The following TRIP4 variants were observed in gnomAD, a reference collection of about 807,000 sequenced individuals.
The protein encoded by TRIP4 is activating signal cointegrator 1.
Under a neutral mutation model 81.8 loss-of-function variants are expected in TRIP4, and 54 were observed. The ratio of observed to expected loss-of-function variants is 0.66; its 90% CI spans 0.53 to 0.83. The LOEUF is 0.83. Ranked by LOEUF, TRIP4 falls within the 40% of genes least tolerant of loss-of-function variation. The pLI is 0.00. For missense variants in TRIP4, 662 were observed against 683.6 expected (o/e 0.97, Z 0.35); for synonymous variants, 270 against 242.8 (o/e 1.11, Z -1.04).
At chr15:64,409,584 C>T in intron 6 of TRIP4, 29 bp from the exon 7 acceptor site, 1 of 1,599,872 alleles carries the variant, frequency 6.3e-7, no homozygotes, top group Non-Finnish European at 8.6e-7. Flanking sequence ...AACAGATGAC[C>T]TAATTACCAT....
chr15:64,394,477 C>T (rs966422778), intron 2 of TRIP4, among the ~76,000 whole-genome samples: 2 of 151,804 alleles, frequency 1.3e-5, no homozygotes, highest in African/African-American at 4.8e-5. Context: ...TGGAGGCAGG[C>T]GCCTGTAGTC....
chr15:64,447,844 T>A (rs1188482300), intron 12 of TRIP4, among the ~76,000 whole-genome samples: 1 of 152,206 alleles, frequency 6.6e-6, no homozygotes, highest in African/African-American at 2.4e-5. Flanking sequence ...CCAAAGTAGC[T>A]GGGACTACAG....
chr15:64,413,392 G>A (rs1406103100), intron 7 of TRIP4, among the ~76,000 whole-genome samples: 1 of 151,914 alleles, frequency 6.6e-6, no homozygotes, highest in African/African-American at 2.4e-5. Context: ...GCCCAAGCTG[G>A]TCTCAAACTC....
At chr15:64,426,224 G>C (rs1304647372) in intron 11 of TRIP4, among the ~76,000 whole-genome samples, 1 of 152,164 alleles carries the variant, frequency 6.6e-6, no homozygotes, top group Non-Finnish European at 1.5e-5. Context: ...ACTAGGATCT[G>C]TTATTGCTAA....
At chr15:64,419,857 C>T (rs8026360) in intron 9 of TRIP4, among the ~76,000 whole-genome samples, 17,213 of 150,954 alleles carry the variant, frequency 0.11, 2,139 homozygotes, top group African/African-American at 0.31. Flanking sequence ...GCTCTGTCAC[C>T]CAGGCTAGAG....
intron 9 of TRIP4, among the ~76,000 whole-genome samples, chr15:64,421,003 A>G (rs1003849115): frequency 3.3e-5 from 5 of 151,856 alleles, no homozygotes; most frequent in Admixed American, 6.6e-5. Flanking sequence ...CATGTACAAC[A>G]GTGGTCCCAT....
In TRIP4 at chr15:64,397,610, A is replaced by G. The variant is rs768940168; in HGVS notation, c.410A>G (p.Gln137Arg). 14 of 1,611,774 alleles carry G rather than the reference A, an allele frequency of 8.7e-6. No individual in the cohort carries two copies. The highest frequency in any genetic ancestry group is 1.7e-4 in the Middle Eastern group (1 of 6,028). The change falls in exon 4 of 13, where the codon CAA becomes CGA. Residue 137 changes from glutamine to arginine, a missense_variant. Transcript: ENST00000261884. Reference sequence around the variant, plus strand: ...TTTGATGTCTTTGTACGATAGGCACAAGAGAACAGCAACTCCGTAAAGAAG... The same window carrying G: ...TTTGATGTCTTTGTACGATAGGCACGAGAGAACAGCAACTCCGTAAAGAAG... Reference protein sequence around the residue: ...VKTPFDLAKAQENSNSVKKKT... With the variant: ...VKTPFDLAKARENSNSVKKKT...
chr15:64,429,266 G>A (rs1417077810), intron 11 of TRIP4, among the ~76,000 whole-genome samples: 9 of 151,964 alleles, frequency 5.9e-5, no homozygotes, highest in African/African-American at 1.9e-4. Flanking sequence ...GCAGTGAGCC[G>A]AGATTGTGCC....
chr15:64,417,625 C>T (rs1020538415), intron 8 of TRIP4, among the ~76,000 whole-genome samples: 1 of 152,084 alleles, frequency 6.6e-6, no homozygotes, highest in African/African-American at 2.4e-5. Context: ...ATTACCTGTA[C>T]CTTATAATTC....
At chr15:64,428,152 C>T (rs1373950076) in intron 11 of TRIP4, among the ~76,000 whole-genome samples, 4 of 152,094 alleles carry the variant, frequency 2.6e-5, no homozygotes, top group African/African-American at 4.8e-5. Flanking sequence ...TTTTGGCAAG[C>T]GGCCTTGCTT....
chr15:64,388,072 G>A, intron 1 of TRIP4, 108 bp downstream of exon 1: 1 of 1,420,408 alleles, frequency 7.0e-7, no homozygotes, highest in Non-Finnish European at 9.2e-7. Context: ...TGTGATAAAG[G>A]GGCTGCAGTC....
At chr15:64,428,618 CT>C (rs1043279496) in intron 11 of TRIP4, among the ~76,000 whole-genome samples, 1 of 151,560 alleles carries the variant, frequency 6.6e-6, no homozygotes, top group Non-Finnish European at 1.5e-5. Context: ...TTTCTTTTTT[CT>C]TTTTTTTGAG....
intron 4 of TRIP4, among the ~76,000 whole-genome samples, chr15:64,399,826 C>G (rs1891447403): frequency 6.6e-6 from 1 of 151,532 alleles, no homozygotes; most frequent in Admixed American, 6.6e-5. Context: ...GACAGAGTCT[C>G]AGGCCAGGCA....
intron 9 of TRIP4, among the ~76,000 whole-genome samples, chr15:64,423,386 C>A (rs1424128263): frequency 6.8e-6 from 1 of 146,212 alleles, no homozygotes; most frequent in Non-Finnish European, 1.5e-5. Context: ...TCGCTTGAAC[C>A]CAGGAGGCGG....
At chr15:64,424,836 C>T (rs758766990) in intron 10 of TRIP4, among the ~76,000 whole-genome samples, 6 of 151,982 alleles carry the variant, frequency 3.9e-5, no homozygotes, top group East Asian at 1.9e-4. Flanking sequence ...AGTGCAGTGG[C>T]GCCATTTCTC....
At chr15:64,426,663 GCACTCC>G (rs1386981440) in intron 11 of TRIP4, among the ~76,000 whole-genome samples, 1 of 144,042 alleles carries the variant, frequency 6.9e-6, no homozygotes, top group East Asian at 2.1e-4. Context: ...TCGTGCCACT[GCACTCC>G]AGCCTGGGCG....
chr15:64,444,494 A>G (rs1020357687), intron 11 of TRIP4, among the ~76,000 whole-genome samples: 1 of 152,208 alleles, frequency 6.6e-6, no homozygotes, highest in African/African-American at 2.4e-5. Flanking sequence ...ATCCAGCAAA[A>G]CAGCTTTTGC....
intron 9 of TRIP4, 128 bp downstream of exon 9, chr15:64,418,856 T>G: frequency 2.4e-6 from 2 of 847,560 alleles, no homozygotes; most frequent in Non-Finnish European, 3.3e-6. Flanking sequence ...TAAATAGAAC[T>G]TTGAACAACA....
At position 64,408,249 on chromosome 15, in the gene TRIP4, A is replaced by ATT. The variant is rs796182931; in HGVS notation, c.828-1338_828-1337dup. ...CACCGTGCCTGGCCTAAGAAGACAAATTTTTTTTTTTTTTTTTTTTTTTTT... is the reference window on the plus strand; with the variant it reads ...CACCGTGCCTGGCCTAAGAAGACAAATTTTTTTTTTTTTTTTTTTTTTTTTTT... On this transcript the variant is annotated intron_variant, in intron 6 of 12. Coordinates refer to ENST00000261884, the MANE Select transcript of TRIP4 (RefSeq NM_016213.5). 5.9e-4 allele frequency among the ~76,000 whole-genome samples: 25 copies of ATT among 42,496 alleles called. 2 individuals carry two copies. Among genetic ancestry groups the ATT allele is most frequent in the South Asian group, 3.2e-3 (4 of 1,262 alleles). 27.9% of individuals were successfully genotyped at this position (42,496 alleles called of 152,430 possible).
Sources: allele counts gnomAD v4.1 joint callset (sites outside exome capture counted in the v4.1 genomes callset), GRCh38; gene constraint gnomAD v4.1.1; transcripts MANE v1.5; gene names NCBI Gene and HGNC (gene_info 2026-07-23, HGNC 2026-07-21).